The following UNC13C variants were observed in gnomAD, a reference collection of about 807,000 sequenced individuals.
UNC13C encodes the protein unc-13 homolog C.
In UNC13C, 174 loss-of-function variants were observed where a neutral mutation model predicts 245.4. That is an observed-to-expected ratio of 0.71 (90% CI 0.63 to 0.80). UNC13C has a LOEUF of 0.80. UNC13C is among the 30% of genes least tolerant of loss of function. The pLI, the probability that UNC13C is intolerant of heterozygous loss-of-function variation, is 0.00. For synonymous variants in UNC13C, 992 were observed against 895.1 expected (o/e 1.11, Z -1.93); for missense variants, 2,829 against 2,602.9 (o/e 1.09, Z -1.89).
the UNC13C span, among the ~76,000 whole-genome samples, chr15:53,970,972 C>T: frequency 6.6e-6 from 1 of 152,128 alleles, no homozygotes; most frequent in African/African-American, 2.4e-5. Context: ...TTCATTTCCA[C>T]CAACAGTGAA....
chr15:54,332,559 A>G (rs1299548152), intron 15 of UNC13C, among the ~76,000 whole-genome samples: 1 of 151,860 alleles, frequency 6.6e-6, no homozygotes, highest in East Asian at 1.9e-4. Flanking sequence ...CAAGAGTACC[A>G]TTTGTTCCTG....
chr15:54,199,889 A>T (rs935132545), intron 4 of UNC13C, among the ~76,000 whole-genome samples: 14 of 152,132 alleles, frequency 9.2e-5, no homozygotes, highest in African/African-American at 3.4e-4. Flanking sequence ...TACTTAAAAG[A>T]TACAGAATGG....
chr15:53,872,883 C>T, the UNC13C span, among the ~76,000 whole-genome samples: 1 of 152,296 alleles, frequency 6.6e-6, no homozygotes, highest in East Asian at 1.9e-4. Flanking sequence ...TTTCTCCAAT[C>T]CTTTCTTCAG....
chr15:54,387,687 T>A (rs886646245), intron 17 of UNC13C, among the ~76,000 whole-genome samples: 2 of 152,154 alleles, frequency 1.3e-5, no homozygotes, highest in African/African-American at 4.8e-5. Context: ...AACAATCAAT[T>A]TGTATTCAGA....
chr15:54,298,013 T>A (rs527859560), intron 12 of UNC13C, 87 bp downstream of exon 12: 2 of 979,924 alleles, frequency 2.0e-6, no homozygotes, highest in Admixed American at 5.1e-5. Flanking sequence ...TTAAAAATCA[T>A]TGAATTTGTA....
chr15:54,309,826 G>A (rs1352575251), intron 13 of UNC13C, among the ~76,000 whole-genome samples: 1 of 151,688 alleles, frequency 6.6e-6, no homozygotes, highest in Non-Finnish European at 1.5e-5. Context: ...ATTTATTTCT[G>A]GGCCCTCTAT....
In UNC13C at chr15:54,014,918, C is replaced by A. The variant is rs753770557; in HGVS notation, c.2015C>A (p.Thr672Asn). ...QGADLGLDSS[T>N]QEGFDYETNS... ...GCTGATTTAGGCTTGGATTCATCCA[C>A]CCAGGAAGGTTTTGATTATGAAACA... is the stretch of plus-strand genomic sequence containing the variant. The change falls in exon 2 of 33, where the codon ACC becomes AAC. Residue 672 changes from threonine to asparagine, a missense_variant. Thr to Asn is a moderately conservative substitution (Grantham distance 65). Coordinates refer to ENST00000260323, the MANE Select transcript of UNC13C (RefSeq NM_001080534.3). The A allele has an allele frequency of 1.4e-5, 23 of 1,613,734 alleles. No individual in the cohort carries two copies. The highest frequency in any genetic ancestry group is 1.9e-5 in the Non-Finnish European group (23 of 1,179,842).
chr15:54,073,628 A>T (rs1180474485), intron 2 of UNC13C, among the ~76,000 whole-genome samples: 1 of 151,948 alleles, frequency 6.6e-6, no homozygotes, highest in African/African-American at 2.4e-5. Flanking sequence ...TGCTCTAATA[A>T]CCAGTGATGA....
the UNC13C span, among the ~76,000 whole-genome samples, chr15:53,900,103 G>A: frequency 1.2e-4 from 18 of 152,140 alleles, no homozygotes; most frequent in East Asian, 2.1e-3. Flanking sequence ...ATACCCCCTC[G>A]ATCTTCAATC....
the UNC13C span, among the ~76,000 whole-genome samples, chr15:53,917,520 T>A: frequency 6.6e-6 from 1 of 152,260 alleles, no homozygotes; most frequent in Non-Finnish European, 1.5e-5. Flanking sequence ...ACAGGCTTGA[T>A]ACTGGTGGAG....
intron 7 of UNC13C, among the ~76,000 whole-genome samples, chr15:54,239,638 G>C (rs2035799401): frequency 6.6e-6 from 1 of 151,730 alleles, no homozygotes; most frequent in Non-Finnish European, 1.5e-5. Context: ...TTTTTTTAGA[G>C]ACAGGGTCTC....
In UNC13C at chr15:54,342,771, G is replaced by GT. The variant is rs202086637; in HGVS notation, c.4713+4288dup. ...CATATAGTATATTTCTGGGGTCACT[G>GT]TTTTTTGTTTTTGTTTTTGTTTTTT... On this transcript the variant is annotated intron_variant, in intron 17 of 32. Transcript: ENST00000260323. 8.6e-3 allele frequency among the ~76,000 whole-genome samples: 1,297 copies of GT among 150,572 alleles called. 22 individuals are homozygous for GT. The highest frequency in any genetic ancestry group is 0.03 in the African/African-American group (1,227 of 41,514).
intron 10 of UNC13C, among the ~76,000 whole-genome samples, chr15:54,292,559 A>G (rs556359399): frequency 2.0e-5 from 3 of 152,090 alleles, no homozygotes; most frequent in Admixed American, 1.3e-4. Context: ...TGAAAGAGAC[A>G]TTATACTCAG....
chr15:54,190,026 C>G (rs2034129304), intron 4 of UNC13C, among the ~76,000 whole-genome samples: 2 of 152,148 alleles, frequency 1.3e-5, no homozygotes, highest in African/African-American at 2.4e-5. Flanking sequence ...TAAACTGATT[C>G]TACAAAATTG....
intron 4 of UNC13C, among the ~76,000 whole-genome samples, chr15:54,216,391 CAG>C (rs2035039698): frequency 6.6e-6 from 1 of 151,838 alleles, no homozygotes; most frequent in Non-Finnish European, 1.5e-5. Context: ...ATACACAAAA[CAG>C]AGACGAGGAA....
chr15:54,461,822 C>G (rs1891861219), intron 19 of UNC13C, among the ~76,000 whole-genome samples: 1 of 152,114 alleles, frequency 6.6e-6, no homozygotes, highest in South Asian at 2.1e-4. Context: ...GATGTGGATA[C>G]TAACTGATCA....
chr15:54,131,022 A>G (rs1266118652), intron 2 of UNC13C, among the ~76,000 whole-genome samples: 2 of 152,208 alleles, frequency 1.3e-5, no homozygotes, highest in African/African-American at 4.8e-5. Flanking sequence ...TGAATCAATG[A>G]ATGAAATGTT....
chr15:53,841,529 T>TA, the UNC13C span, among the ~76,000 whole-genome samples: 2 of 152,114 alleles, frequency 1.3e-5, no homozygotes, highest in Non-Finnish European at 2.9e-5. Flanking sequence ...AAGAAGTTAG[T>TA]AAAAAAATAA....
chr15:54,347,392 TCTG>T (rs897284851), intron 17 of UNC13C, among the ~76,000 whole-genome samples: 4 of 152,224 alleles, frequency 2.6e-5, no homozygotes, highest in African/African-American at 9.6e-5. Flanking sequence ...TGCCTAAGAT[TCTG>T]CTATTTTAAA....
Sources: allele counts gnomAD v4.1 joint callset (sites outside exome capture counted in the v4.1 genomes callset), GRCh38; gene constraint gnomAD v4.1.1; transcripts MANE v1.5; gene names NCBI Gene and HGNC (gene_info 2026-07-23, HGNC 2026-07-21).